CERS3: variants seen among roughly 807,000 people sequenced by gnomAD.
CERS3 encodes LAG1 homolog, ceramide synthase 3.
In CERS3, 33 loss-of-function variants were observed where a neutral mutation model predicts 50.3. The observed-to-expected ratio is 0.66, with a 90% CI of 0.50 to 0.88. The LOEUF (loss-of-function observed/expected upper bound fraction) is 0.88. Ranked by LOEUF, CERS3 falls within the 40% of genes least tolerant of loss-of-function variation. CERS3 has a pLI of 0.00. For synonymous variants in CERS3, 176 were observed against 155.2 expected (o/e 1.13, Z -0.99); for missense variants, 470 against 460.3 (o/e 1.02, Z -0.19).
At chr15:100,463,585 T>C (rs180762761) in intron 10 of CERS3, among the ~76,000 whole-genome samples, 11 of 152,144 alleles carry the variant, frequency 7.2e-5, no homozygotes, top group Admixed American at 4.6e-4. Context: ...AAAAATAGCA[T>C]AAAGAAGGTA....
intron 11 of CERS3, among the ~76,000 whole-genome samples, chr15:100,434,794 A>G (rs2033317625): frequency 6.6e-6 from 1 of 152,256 alleles, no homozygotes; most frequent in Admixed American, 6.5e-5. Context: ...TAAAGTTCAG[A>G]TTCCATATAC....
chr15:100,535,801 C>T (rs112627324), intron 1 of CERS3, among the ~76,000 whole-genome samples: 1,763 of 81,690 alleles, frequency 0.022, 78 homozygotes, highest in Non-Finnish European at 0.028. Flanking sequence ...CATCCCTATG[C>T]TCATATGTGC....
At chr15:100,479,865 A>C (rs2035246269) in intron 6 of CERS3, 124 bp downstream of exon 6, 1 of 714,524 alleles carries the variant, frequency 1.4e-6, no homozygotes, top group South Asian at 1.7e-5. Context: ...CAAATGTTGA[A>C]TCTTGAGAGA....
Position 100,501,657 on chromosome 15 carries a change from A to G in CERS3, c.173+20T>C. On this transcript the variant is annotated intron_variant, in intron 3 of 11. Transcript: ENST00000679737. ...GAGCAAAGAGGGGGAATGGGAAGGA[A>G]AGACACAAGTACTACTTACTTTTCA... 6.3e-7 allele frequency: 1 copy of G among 1,593,252 alleles called. No individual in the cohort carries two copies. Among genetic ancestry groups the G allele is most frequent in the Non-Finnish European group, 8.6e-7 (1 of 1,161,460 alleles).
chr15:100,450,267 A>G (rs1398760829), intron 11 of CERS3, among the ~76,000 whole-genome samples: 3 of 151,974 alleles, frequency 2.0e-5, no homozygotes, highest in African/African-American at 4.8e-5. Flanking sequence ...AAAATACAAA[A>G]AATTAGCTGG....
intron 11 of CERS3, among the ~76,000 whole-genome samples, chr15:100,445,720 A>G (rs1299786116): frequency 6.6e-6 from 1 of 152,036 alleles, no homozygotes; most frequent in Admixed American, 6.5e-5. Flanking sequence ...ATATCTCCAT[A>G]CCATCCCCCA....
At chr15:100,533,061 T>A (rs1285900756), upstream of CERS3, among the ~76,000 whole-genome samples, 2 of 152,142 alleles carry the variant, frequency 1.3e-5, no homozygotes, top group Non-Finnish European at 2.9e-5. Context: ...TGGCCCAGGG[T>A]TGAAAGTCTC....
rs753137916 is a variant in CERS3 at position 100,506,469 on chromosome 15, GC to G, written c.-1-4620del. 6.3e-4 allele frequency among the ~76,000 whole-genome samples: 88 copies of G among 139,114 alleles called. 5 individuals carry two copies. The highest frequency in any genetic ancestry group is 1.1e-3 in the South Asian group (5 of 4,396). 91.3% of individuals were successfully genotyped at this position (139,114 alleles called of 152,430 possible). ...GGTGTGAAGAAATCGGGACCCCCCC[GC>G]CGCCCCACACACACACACACCAGAC... On this transcript the variant is annotated intron_variant, in intron 2 of 11. Coordinates refer to ENST00000679737, the MANE Select transcript of CERS3 (RefSeq NM_001378789.1).
chr15:100,495,644 A>G lies in CERS3; in HGVS notation c.174-4713T>C, dbSNP rs929579818. Among the ~76,000 whole-genome samples, 7 of 152,184 alleles carry G rather than the reference A, an allele frequency of 4.6e-5. No homozygotes were observed. The East Asian group carries it at 1.4e-3, about 29-fold the overall frequency. ...TAAAACCAAGTTATTTCTTTTTATT[A>G]TTGAGTTCTGAGTTATTTATATATT... On this transcript the variant is annotated intron_variant, in intron 3 of 11. Transcript: ENST00000679737.
rs1567690484 is a variant in CERS3 at position 100,535,222 on chromosome 15, G to GT, written c.-354-6148dup. ...TTTTATTTTATTCTTATGTTACTTTGTAACAGACTTTATTTTATGCATATA... is the reference window on the plus strand; with the variant it reads ...TTTTATTTTATTCTTATGTTACTTTGTTAACAGACTTTATTTTATGCATATA... On this transcript the variant is annotated intron_variant, in intron 1 of 12. Coordinates refer to the CERS3 transcript ENST00000284382. 2.0e-5 allele frequency among the ~76,000 whole-genome samples: 3 copies of GT among 152,232 alleles called. No individual in the cohort carries two copies. The East Asian group carries it at 5.8e-4, about 29-fold the overall frequency.
At chr15:100,477,376 A>G (rs2035163502) in intron 7 of CERS3, among the ~76,000 whole-genome samples, 1 of 152,100 alleles carries the variant, frequency 6.6e-6, no homozygotes, top group Non-Finnish European at 1.5e-5. Context: ...TAAGGCCATA[A>G]AAGAGTGAGA....
chr15:100,448,877 G>T (rs2034046740), intron 11 of CERS3, among the ~76,000 whole-genome samples: 1 of 152,214 alleles, frequency 6.6e-6, no homozygotes, highest in Admixed American at 6.5e-5. Flanking sequence ...CTTAGTAGTA[G>T]AGTCAGCATG....
chr15:100,444,037 G>A (rs936417758), intron 11 of CERS3, among the ~76,000 whole-genome samples: 1 of 152,136 alleles, frequency 6.6e-6, no homozygotes, highest in African/African-American at 2.4e-5. Context: ...CACAGCTGAA[G>A]TGCAGGGCTG....
chr15:100,410,814 C>A (rs2031422506), intron 11 of CERS3, among the ~76,000 whole-genome samples: 1 of 152,174 alleles, frequency 6.6e-6, no homozygotes, highest in African/African-American at 2.4e-5. Flanking sequence ...ATTTCTGTGG[C>A]AAAATGCACA....
chr15:100,455,051 G>T (rs114934897), intron 11 of CERS3, among the ~76,000 whole-genome samples: 1 of 152,214 alleles, frequency 6.6e-6, no homozygotes, highest in African/African-American at 2.4e-5. Flanking sequence ...TCTCACCCCA[G>T]TTAAAACTGT....
rs1395282185 is a variant in CERS3, at chr15:100,469,404, G to A, written c.819C>T (p.Ile273=). 1 of 1,613,940 alleles carries A rather than the reference G, an allele frequency of 6.2e-7. No homozygotes were observed. The highest frequency in any genetic ancestry group is 1.7e-5 in the Admixed American group (1 of 60,014). The change falls in exon 10 of 12, where the codon ATC becomes ATT. Residue 273 remains isoleucine, a synonymous_variant. Coordinates refer to ENST00000679737, the MANE Select transcript of CERS3 (RefSeq NM_001378789.1). ...AGAAAGGAAAAACAATGAGGCGGCTGATGAAAAATATGGTGGAGAAGATGA... is the reference window on the plus strand; with the variant it reads ...AGAAAGGAAAAACAATGAGGCGGCTAATGAAAAATATGGTGGAGAAGATGA... The part of the protein sequence containing the change: ...LFFIFSTIFF[I]SRLIVFPFWI...
At chr15:100,489,213 A>G (rs2035579085) in intron 4 of CERS3, among the ~76,000 whole-genome samples, 1 of 152,210 alleles carries the variant, frequency 6.6e-6, no homozygotes, top group Admixed American at 6.5e-5. Flanking sequence ...TTCCATTTAC[A>G]GATAAAGAAC....
At chr15:100,411,419 C>T (rs1020912034) in intron 11 of CERS3, among the ~76,000 whole-genome samples, 4 of 152,138 alleles carry the variant, frequency 2.6e-5, no homozygotes, top group Non-Finnish European at 5.9e-5. Context: ...GCCTCGGGCT[C>T]CCAAAGTGTT....
Position 100,429,764 on chromosome 15 carries a change from C to T in CERS3, c.999+26129G>A, listed in dbSNP as rs892926060. ...TCACCATCTGTGTTTCTTAAATAAACATACTTATCCACAGCCATCACCCCG... is the reference window on the plus strand; with the variant it reads ...TCACCATCTGTGTTTCTTAAATAAATATACTTATCCACAGCCATCACCCCG... On this transcript the variant is annotated intron_variant, in intron 11 of 11. Transcript: ENST00000679737. Among the ~76,000 whole-genome samples, 11 of 152,250 alleles carry T rather than the reference C, an allele frequency of 7.2e-5. No homozygotes were observed. The East Asian group carries it at 1.9e-3, about 27-fold the overall frequency.
Sources: allele counts gnomAD v4.1 joint callset (sites outside exome capture counted in the v4.1 genomes callset), GRCh38; gene constraint gnomAD v4.1.1; transcripts MANE v1.5; gene names NCBI Gene and HGNC (gene_info 2026-07-23, HGNC 2026-07-21).